The following ZNF644 variants were observed in gnomAD, a reference collection of about 807,000 sequenced individuals.
ZNF644 encodes the protein zinc finger motif enhancer binding protein 2.
Under a neutral mutation model 108.0 loss-of-function variants are expected in ZNF644, and 20 were observed. That is an observed-to-expected ratio of 0.19 (90% CI 0.13 to 0.27). ZNF644 has a LOEUF of 0.27. Ranked by LOEUF, ZNF644 falls within the 10% of genes least tolerant of loss-of-function variation. The pLI, the probability that ZNF644 is intolerant of heterozygous loss-of-function variation, is 1.00. For missense variants in ZNF644, 1,338 were observed against 1,548.9 expected, an observed-to-expected ratio of 0.86 and a Z score of 2.29; for synonymous variants, 542 against 539.1, an observed-to-expected ratio of 1.01 and a Z score of -0.08.
chr1:90,955,297 T>A (rs940456642), intron 2 of ZNF644, among the ~76,000 whole-genome samples: 1 of 152,208 alleles, frequency 6.6e-6, no homozygotes, highest in Non-Finnish European at 1.5e-5. Flanking sequence ...AATTGTTCAA[T>A]GAGGCTTCAA....
intron 4 of ZNF644, among the ~76,000 whole-genome samples, chr1:90,923,278 C>A (rs915657840): frequency 1.3e-5 from 2 of 151,934 alleles, no homozygotes; most frequent in Non-Finnish European, 2.9e-5. Flanking sequence ...GCCCTGGGAC[C>A]TGAGTATCTA....
At chr1:90,980,520 A>T (rs981066663) in intron 2 of ZNF644, among the ~76,000 whole-genome samples, 1 of 152,230 alleles carries the variant, frequency 6.6e-6, no homozygotes, top group Admixed American at 6.5e-5. Context: ...AAAAGAGTAT[A>T]AAAAAGTTAG....
chr1:90,924,557 C>G (rs962517509), intron 4 of ZNF644, among the ~76,000 whole-genome samples: 1 of 151,974 alleles, frequency 6.6e-6, no homozygotes, highest in African/African-American at 2.4e-5. Flanking sequence ...TTAAAATTTC[C>G]TTTAAATTAT....
At chr1:90,920,050 G>A (rs1041946848) in intron 4 of ZNF644, among the ~76,000 whole-genome samples, 1 of 152,046 alleles carries the variant, frequency 6.6e-6, no homozygotes, top group East Asian at 1.9e-4. Context: ...TAATCGCTTT[G>A]GTGAGCAATC....
chr1:91,007,920 T>C (rs1659605364), intron 1 of ZNF644, among the ~76,000 whole-genome samples: 1 of 152,180 alleles, frequency 6.6e-6, no homozygotes, highest in Non-Finnish European at 1.5e-5. Context: ...AAAAGTTGCC[T>C]AGGGATTCTG....
chr1:90,972,737 AAAC>A (rs1279245638), intron 2 of ZNF644: 2 of 152,358 alleles, frequency 1.3e-5, no homozygotes, highest in African/African-American at 2.4e-5. Flanking sequence ...ATGGACAAAT[AAAC>A]AACATGTGTT....
chr1:90,978,123 C>T (rs778532662), intron 2 of ZNF644, among the ~76,000 whole-genome samples: 134 of 152,016 alleles, frequency 8.8e-4, no homozygotes, highest in Non-Finnish European at 1.5e-3. Flanking sequence ...AGGCTGAGGC[C>T]GGTGGATCGC....
chr1:91,000,322 A>T (rs998151810), intron 1 of ZNF644, among the ~76,000 whole-genome samples: 2 of 152,226 alleles, frequency 1.3e-5, no homozygotes, highest in African/African-American at 4.8e-5. Flanking sequence ...AAAGAACAGA[A>T]ATTATAACAA....
chr1:91,001,377 C>A (rs1229838924), intron 1 of ZNF644, among the ~76,000 whole-genome samples: 7 of 152,098 alleles, frequency 4.6e-5, no homozygotes, highest in African/African-American at 1.7e-4. Context: ...AAGGCTGGTT[C>A]AACGTACACA....
At chr1:90,981,343 TC>T (rs372411266) in intron 2 of ZNF644, among the ~76,000 whole-genome samples, 7 of 152,212 alleles carry the variant, frequency 4.6e-5, no homozygotes, top group African/African-American at 1.7e-4. Context: ...CAATAAGTAC[TC>T]TTCAAACTAC....
chr1:90,938,475 A>C lies in ZNF644; in HGVS notation c.2879T>G (p.Leu960Arg), dbSNP rs1208339114. 6.2e-7 allele frequency: 1 copy of C among 1,614,034 alleles called. No individual in the cohort carries two copies. Among genetic ancestry groups the C allele is most frequent in the South Asian group, 1.1e-5 (1 of 91,080 alleles). ...SSVFHWTDLS[L>R]EKKSCPYCPA... ...GCAGTAAGGACACGATTTCTTCTCAAGAGACAAATCAGTCCAATGAAAAAC... is the reference window on the plus strand; with the variant it reads ...GCAGTAAGGACACGATTTCTTCTCACGAGACAAATCAGTCCAATGAAAAAC... The change falls in exon 3 of 6, where the codon CTT becomes CGT. Residue 960 changes from leucine to arginine, a missense_variant. Leu to Arg is a moderately radical substitution (Grantham distance 102, BLOSUM62 -2). Transcript: ENST00000337393. The surrounding 1 kb of genome is among the most constrained non-coding windows in gnomAD (Gnocchi z 4.2).
rs369005877 is a variant in ZNF644 at position 90,997,737 on chromosome 1, G to A, written c.-17-15367C>T. On this transcript the variant is annotated intron_variant, in intron 1 of 5. Coordinates refer to ENST00000337393, the MANE Select transcript of ZNF644 (RefSeq NM_201269.3). ...GCCCACCAAGCATGAGCCGAAGCAG[G>A]GCGAGGCATCGCCTCACCCGGGAAG... Among the ~76,000 whole-genome samples, 113 of 152,316 alleles carry A rather than the reference G, an allele frequency of 7.4e-4. 1 individual carries two copies. The highest frequency in any genetic ancestry group is 2.5e-3 in the African/African-American group (106 of 41,582).
At chr1:90,921,873 A>G (rs1191517608) in intron 4 of ZNF644, among the ~76,000 whole-genome samples, 1 of 152,140 alleles carries the variant, frequency 6.6e-6, no homozygotes, top group Non-Finnish European at 1.5e-5. Context: ...ACGACGACCA[A>G]TGACCATGAC....
intron 4 of ZNF644, among the ~76,000 whole-genome samples, chr1:90,937,109 T>C (rs1017937387): frequency 6.6e-6 from 1 of 152,152 alleles, no homozygotes; most frequent in Admixed American, 6.6e-5. Flanking sequence ...GACAGAGGTA[T>C]GCCTTTTCAA....
chr1:90,939,408 G>C lies in ZNF644; in HGVS notation c.1946C>G (p.Thr649Ser), dbSNP rs767519244. 1 of 1,613,992 alleles carries C rather than the reference G, an allele frequency of 6.2e-7. No individual in the cohort carries two copies. The highest frequency in any genetic ancestry group is 8.5e-7 in the Non-Finnish European group (1 of 1,179,944). Residue 649 changes from threonine to serine, a missense_variant, in exon 3 of 6, where the codon ACC becomes AGC. Transcript: ENST00000337393. ...TAAAGCAGAGTTCTTTGGAAATGTG[G>C]TTGACTGTTGTTTAGTTAATGTTTT... ...STKTLTKQQS[T>S]TFPKNSALKQ...
intron 4 of ZNF644, 194 bp from the exon 5 acceptor site, chr1:90,918,348 G>A (rs539233713): frequency 8.2e-5 from 49 of 600,110 alleles, no homozygotes; most frequent in Middle Eastern, 4.6e-4. Flanking sequence ...ACTGTACAGC[G>A]GTATTATCTG....
At position 90,939,836 on chromosome 1, in the gene ZNF644, A is replaced by G; in HGVS notation, c.1518T>C (p.Asn506=). 1 of 1,613,964 alleles carries G rather than the reference A, an allele frequency of 6.2e-7. No homozygotes were observed. The highest frequency in any genetic ancestry group is 8.5e-7 in the Non-Finnish European group (1 of 1,179,918). Residue 506 remains asparagine (N), a synonymous_variant, in exon 3 of 6, where the codon AAT becomes AAC. Transcript: ENST00000337393. ...CATGTTGCACAAATGTTTTAGGGCA[A>G]TTGGTACCAAACACACACTGAGGAC... ...LQCPQCVFGT[N]CPKTFVQHAK... is the part of the protein sequence containing the mutation.
intron 4 of ZNF644, chr1:90,935,277 A>T: frequency 1.4e-6 from 1 of 714,578 alleles, no homozygotes; most frequent in East Asian, 1.3e-4. Context: ...CTGAAATTCA[A>T]TGGGTATTCA....
Position 90,917,948 on chromosome 1 carries a change from G to A in ZNF644, c.3791+104C>T, listed in dbSNP as rs147979684. 6.7e-4 allele frequency: 618 copies of A among 916,336 alleles called. 3 individuals are homozygous for A. The African/African-American group carries it at 9.1e-3, about 13-fold the overall frequency. The allele number at this position is 916,336 out of a possible 1,614,324, so 56.8% of individuals were successfully genotyped here. The stretch of plus-strand genomic sequence containing the variant: ...AAAGTTCATTTATAACTTGATTGTT[G>A]AGAATGCACTCTGCCACAAATTAAA... On this transcript the variant is annotated intron_variant, in intron 5 of 5. Coordinates refer to ENST00000337393, the MANE Select transcript of ZNF644 (RefSeq NM_201269.3).
Sources: allele counts gnomAD v4.1 joint callset (sites outside exome capture counted in the v4.1 genomes callset), GRCh38; gene constraint gnomAD v4.1.1; non-coding constraint Gnocchi (gnomAD v3.1); transcripts MANE v1.5; gene names NCBI Gene and HGNC (gene_info 2026-07-23, HGNC 2026-07-21).